GPR158: variants seen among roughly 807,000 people sequenced by gnomAD.
GPR158 encodes the protein G protein-coupled receptor 158.
In GPR158, 30 loss-of-function variants were observed where a neutral mutation model predicts 78.2. The observed-to-expected ratio is 0.38, with a 90% CI of 0.29 to 0.52. The LOEUF (loss-of-function observed/expected upper bound fraction) is 0.52, where lower values mean the gene tolerates loss of function less well. Ranked by LOEUF, GPR158 falls within the 20% of genes least tolerant of loss-of-function variation. The pLI is 0.83. For missense variants in GPR158, 1,463 were observed against 1,523.5 expected, an observed-to-expected ratio of 0.96 and a Z score of 0.66; for synonymous variants, 581 against 591.1, an observed-to-expected ratio of 0.98 and a Z score of 0.25.
chr10:25,590,162 G>C (rs1274418724), intron 8 of GPR158, among the ~76,000 whole-genome samples: 2 of 152,142 alleles, frequency 1.3e-5, no homozygotes, highest in African/African-American at 4.8e-5. Flanking sequence ...CAGAAGATGT[G>C]ATCTTGCATC....
chr10:25,470,042 A>G (rs557989645), intron 5 of GPR158, among the ~76,000 whole-genome samples: 1 of 152,264 alleles, frequency 6.6e-6, no homozygotes, highest in East Asian at 1.9e-4. Flanking sequence ...TACTTAGAGT[A>G]AAAGCCAACA....
intron 4 of GPR158, among the ~76,000 whole-genome samples, chr10:25,463,899 A>G (rs867377852): frequency 6.6e-6 from 1 of 152,232 alleles, no homozygotes. Context: ...TCTAGTACCA[A>G]TAAGACAGTG....
At chr10:25,582,394 G>A (rs1837214571) in intron 7 of GPR158, among the ~76,000 whole-genome samples, 1 of 152,106 alleles carries the variant, frequency 6.6e-6, no homozygotes, top group Non-Finnish European at 1.5e-5. Context: ...AAATGTATAT[G>A]CCAGAGAGAG....
intron 5 of GPR158, among the ~76,000 whole-genome samples, chr10:25,539,619 C>A (rs989358618): frequency 8.6e-5 from 13 of 151,746 alleles, no homozygotes; most frequent in African/African-American, 3.1e-4. Context: ...CATTAACCCC[C>A]AAATCTTGTA....
chr10:25,182,103 A>G (rs1048319835), intron 1 of GPR158, among the ~76,000 whole-genome samples: 1 of 152,128 alleles, frequency 6.6e-6, no homozygotes, highest in Non-Finnish European at 1.5e-5. Context: ...GAACATGTTC[A>G]TATGTTCCAT....
chr10:25,493,239 T>C (rs1835835198), intron 5 of GPR158, among the ~76,000 whole-genome samples: 1 of 152,170 alleles, frequency 6.6e-6, no homozygotes, highest in Non-Finnish European at 1.5e-5. Flanking sequence ...TTCAACACAA[T>C]TGCAGCAAAT....
chr10:25,579,948 C>G (rs1386428893), intron 7 of GPR158, among the ~76,000 whole-genome samples: 1 of 152,166 alleles, frequency 6.6e-6, no homozygotes, highest in Non-Finnish European at 1.5e-5. Flanking sequence ...TTTATATGAT[C>G]TAATAACTAT....
chr10:25,194,916 A>G (rs1852823856), intron 1 of GPR158, among the ~76,000 whole-genome samples: 2 of 152,070 alleles, frequency 1.3e-5, no homozygotes, highest in Non-Finnish European at 2.9e-5. Context: ...ATAATTAAAG[A>G]TAATAACATT....
At chr10:25,478,501 T>C (rs1462332134) in intron 5 of GPR158, among the ~76,000 whole-genome samples, 1 of 107,418 alleles carries the variant, frequency 9.3e-6, no homozygotes, top group Non-Finnish European at 1.9e-5. Flanking sequence ...TGCGTGTGTG[T>C]GTGTGTGTGT....
chr10:25,327,343 C>T (rs1855050740), intron 2 of GPR158, among the ~76,000 whole-genome samples: 1 of 152,142 alleles, frequency 6.6e-6, no homozygotes, highest in Non-Finnish European at 1.5e-5. Context: ...ATTCCATTGA[C>T]TTCTCCAGGT....
intron 2 of GPR158, among the ~76,000 whole-genome samples, chr10:25,332,712 A>G (rs958718598): frequency 1.8e-4 from 27 of 152,162 alleles, no homozygotes; most frequent in African/African-American, 6.0e-4. Flanking sequence ...AACTTTAAAT[A>G]ATAAGCTGAT....
At chr10:25,460,853 G>A (rs1835350214) in intron 4 of GPR158, among the ~76,000 whole-genome samples, 1 of 152,104 alleles carries the variant, frequency 6.6e-6, no homozygotes, top group Admixed American at 6.6e-5. Flanking sequence ...AACAGCATGT[G>A]CTCACTTTGT....
intron 1 of GPR158, among the ~76,000 whole-genome samples, chr10:25,207,634 C>T (rs1030382484): frequency 2.0e-5 from 3 of 152,176 alleles, no homozygotes; most frequent in East Asian, 1.9e-4. Flanking sequence ...AATGCTCACT[C>T]ACCTGCTGCT....
chr10:25,297,185 T>C (rs367752534), intron 2 of GPR158, among the ~76,000 whole-genome samples: 5 of 152,190 alleles, frequency 3.3e-5, no homozygotes, highest in African/African-American at 9.6e-5. Context: ...TTCAAAGATA[T>C]AAATTCTGCC....
rs545275689 is a variant in GPR158 at position 25,466,464 on chromosome 10, C to T, written c.1336-187C>T. On this transcript the variant is annotated intron_variant, in intron 4 of 10. Coordinates refer to ENST00000376351, the MANE Select transcript of GPR158 (RefSeq NM_020752.3). ...GGCGATATTATTAAGCCTATCAACA[C>T]CTTTATAATCAGTCTTTTTGCATGT... 41 of 500,930 alleles carry T rather than the reference C, an allele frequency of 8.2e-5. No individual in the cohort carries two copies. The South Asian group carries it at 1.2e-3, about 15-fold the overall frequency. The allele number at this position is 500,930 out of a possible 1,614,324, so 31.0% of individuals were successfully genotyped here. A position where few individuals can be genotyped will look rare whatever the true frequency, so the allele number is the denominator to read the frequency against.
chr10:25,433,592 C>T (rs941444507), intron 4 of GPR158, among the ~76,000 whole-genome samples: 1 of 149,262 alleles, frequency 6.7e-6, no homozygotes, highest in Admixed American at 6.7e-5. Context: ...TGCGCGTGCG[C>T]ATATATGAAT....
At chr10:25,263,155 G>GT (rs1293153098) in intron 2 of GPR158, among the ~76,000 whole-genome samples, 1 of 152,152 alleles carries the variant, frequency 6.6e-6, no homozygotes, top group Non-Finnish European at 1.5e-5. Flanking sequence ...TCCTCAAGGA[G>GT]TTTTATAATT....
rs537262547 is a variant in GPR158 at position 25,571,192 on chromosome 10, C to A, written c.1515-1457C>A. On this transcript the variant is annotated intron_variant, in intron 6 of 10. Transcript: ENST00000376351. Reference sequence around the variant, plus strand: ...GGAGAGTAACTGTTAATCTGGGGAACTGATGAGATGGAGCGTGGTTAAGAG... The same window carrying A: ...GGAGAGTAACTGTTAATCTGGGGAAATGATGAGATGGAGCGTGGTTAAGAG... Among the ~76,000 whole-genome samples the A allele has an allele frequency of 3.9e-5, 6 of 152,240 alleles. No individual in the cohort carries two copies. In the South Asian group the frequency reaches 1.2e-3, roughly 32 times the overall value.
At chr10:25,241,224 TTTCTTTC>T in intron 2 of GPR158, among the ~76,000 whole-genome samples, 2 of 89,884 alleles carry the variant, frequency 2.2e-5, no homozygotes, top group African/African-American at 1.4e-4. Context: ...TTCTTTCCTT[TTTCTTTC>T]CTTTCTTTCC....
Sources: gnomAD v4.1 joint callset for allele counts (sites outside exome capture counted in the v4.1 genomes callset) on GRCh38, gnomAD v4.1.1 for gene constraint, MANE v1.5 for transcripts, NCBI Gene and HGNC (gene_info 2026-07-23, HGNC 2026-07-21) for gene names.